GNA12: variants seen among roughly 807,000 people sequenced by gnomAD.
The protein encoded by GNA12 is guanine nucleotide-binding protein subunit alpha-12.
GNA12 carries 9 observed loss-of-function variants against 26.0 expected under a neutral mutation model. The observed-to-expected ratio is 0.35, with a 90% CI of 0.21 to 0.60. The LOEUF is 0.60. Ranked by LOEUF, GNA12 falls within the 20% of genes least tolerant of loss-of-function variation. The pLI, the probability that GNA12 is intolerant of heterozygous loss-of-function variation, is 0.78. For missense variants in GNA12, 405 were observed against 525.8 expected (o/e 0.77, Z 2.25); for synonymous variants, 264 against 219.6 (o/e 1.20, Z -1.79).
chr7:2,805,988 T>A (rs1749284026), intron 1 of GNA12, among the ~76,000 whole-genome samples: 2 of 152,224 alleles, frequency 1.3e-5, no homozygotes, highest in African/African-American at 4.8e-5. Flanking sequence ...ACTTCTTTTG[T>A]TTATACTGAT....
Position 2,780,707 on chromosome 7 carries a change from T to C in GNA12, c.525+14221A>G, listed in dbSNP as rs553965167. On this transcript the variant is annotated intron_variant, in intron 2 of 3. Coordinates refer to ENST00000275364, the MANE Select transcript of GNA12 (RefSeq NM_007353.3). ...GGCCAACATCATAATGTTTGTGAGA[T>C]TGATCATATTGCTGAGAGCTGTCCT... Among the ~76,000 whole-genome samples, 16 of 152,336 alleles carry C rather than the reference T, an allele frequency of 1.1e-4. 1 individual carries two copies. The South Asian group carries it at 2.1e-3, about 20-fold the overall frequency.
chr7:2,778,129 AGTT>A (rs2115431057), intron 2 of GNA12, among the ~76,000 whole-genome samples: 1 of 152,334 alleles, frequency 6.6e-6, no homozygotes, highest in East Asian at 1.9e-4. Flanking sequence ...ACATGTGTCC[AGTT>A]GTTAATACTG....
chr7:2,769,306 G>A (rs1358232552), intron 2 of GNA12, among the ~76,000 whole-genome samples: 1 of 152,158 alleles, frequency 6.6e-6, no homozygotes, highest in African/African-American at 2.4e-5. Context: ...TTTAATTTCT[G>A]CTACTACCAT....
intron 1 of GNA12, among the ~76,000 whole-genome samples, chr7:2,817,812 T>C (rs981658296): frequency 2.0e-5 from 3 of 152,192 alleles, no homozygotes; most frequent in Admixed American, 2.0e-4. Flanking sequence ...TTATGACAAA[T>C]GTTGTCATCT....
intron 1 of GNA12, among the ~76,000 whole-genome samples, chr7:2,807,931 C>T (rs1792988451): frequency 6.6e-6 from 1 of 152,188 alleles, no homozygotes; most frequent in Non-Finnish European, 1.5e-5. Flanking sequence ...GCAGAAACCG[C>T]TCTGTGCCCC....
At chr7:2,735,480 C>T (rs1032503281) in intron 2 of GNA12, among the ~76,000 whole-genome samples, 9 of 152,128 alleles carry the variant, frequency 5.9e-5, no homozygotes, top group East Asian at 1.9e-4. Context: ...CCAGATAGTA[C>T]GGACGCAAGG....
At chr7:2,836,908 G>C (rs1778854740) in intron 1 of GNA12, among the ~76,000 whole-genome samples, 1 of 152,084 alleles carries the variant, frequency 6.6e-6, no homozygotes, top group African/African-American at 2.4e-5. Flanking sequence ...CGGGCAACAA[G>C]AGCGAAACTC....
intron 2 of GNA12, among the ~76,000 whole-genome samples, chr7:2,756,997 T>C (rs1239802218): frequency 6.6e-6 from 1 of 151,960 alleles, no homozygotes; most frequent in Non-Finnish European, 1.5e-5. Context: ...TCTCTTGAGC[T>C]GGGGAGTTCG....
At chr7:2,755,524 A>C (rs982586879) in intron 2 of GNA12, among the ~76,000 whole-genome samples, 1 of 152,138 alleles carries the variant, frequency 6.6e-6, no homozygotes, top group Non-Finnish European at 1.5e-5. Context: ...TTGCATCTTA[A>C]ATTTGTTTCC....
At chr7:2,799,698 G>T (rs973111609) in intron 1 of GNA12, among the ~76,000 whole-genome samples, 59 of 152,266 alleles carry the variant, frequency 3.9e-4, no homozygotes, top group Middle Eastern at 6.8e-3. Context: ...AAGAAAATGG[G>T]CAAGACATGA....
chr7:2,771,263 C>T (rs1791941782), intron 2 of GNA12, among the ~76,000 whole-genome samples: 1 of 152,092 alleles, frequency 6.6e-6, no homozygotes, highest in Admixed American at 6.6e-5. Context: ...TGTACTTCAG[C>T]CTGGGCGACA....
intron 1 of GNA12, among the ~76,000 whole-genome samples, chr7:2,827,479 G>C (rs1012010588): frequency 6.6e-6 from 1 of 152,176 alleles, no homozygotes; most frequent in African/African-American, 2.4e-5. Flanking sequence ...CTGTGATGTC[G>C]CGTGAGAATT....
chr7:2,780,089 T>TATATATATATATATATAC, intron 2 of GNA12, among the ~76,000 whole-genome samples: 1 of 129,632 alleles, frequency 7.7e-6, no homozygotes, highest in Admixed American at 8.1e-5. Context: ...TATATATATA[T>TATATATATATATATATAC]ATATGCCTGT....
intron 1 of GNA12, among the ~76,000 whole-genome samples, chr7:2,834,725 G>A (rs958198671): frequency 7.9e-5 from 12 of 152,112 alleles, no homozygotes; most frequent in African/African-American, 1.7e-4. Flanking sequence ...TTTACAGCAC[G>A]TTTTCTATGT....
intron 2 of GNA12, among the ~76,000 whole-genome samples, chr7:2,787,306 C>G (rs1792386999): frequency 6.6e-6 from 1 of 152,160 alleles, no homozygotes; most frequent in Non-Finnish European, 1.5e-5. Context: ...ATCAACATGG[C>G]TACCAACGCA....
At chr7:2,813,872 A>G (rs975792634) in intron 1 of GNA12, among the ~76,000 whole-genome samples, 2 of 152,106 alleles carry the variant, frequency 1.3e-5, no homozygotes, top group African/African-American at 4.8e-5. Flanking sequence ...AGGGTGCTCG[A>G]GATGACATTA....
At chr7:2,736,178 A>T (rs1401733980) in intron 2 of GNA12, among the ~76,000 whole-genome samples, 1 of 152,190 alleles carries the variant, frequency 6.6e-6, no homozygotes, top group Non-Finnish European at 1.5e-5. Context: ...GCAGAAACTG[A>T]GATGTCCACA....
At chr7:2,791,469 G>C (rs966819689) in intron 2 of GNA12, among the ~76,000 whole-genome samples, 1 of 152,100 alleles carries the variant, frequency 6.6e-6, no homozygotes, top group Non-Finnish European at 1.5e-5. Flanking sequence ...GTAATCACCA[G>C]ACACAGCCTT....
chr7:2,764,422 G>A (rs969325101), intron 2 of GNA12, among the ~76,000 whole-genome samples: 4 of 152,032 alleles, frequency 2.6e-5, no homozygotes, highest in African/African-American at 9.7e-5. Context: ...ATCTGATATT[G>A]CTGACCAGAG....
Sources: allele counts gnomAD v4.1 joint callset (sites outside exome capture counted in the v4.1 genomes callset), GRCh38; gene constraint gnomAD v4.1.1; transcripts MANE v1.5; gene names NCBI Gene and HGNC (gene_info 2026-07-23, HGNC 2026-07-21).